The following CLVS1 variants were observed in gnomAD, a reference collection of about 807,000 sequenced individuals.
CLVS1 encodes clavesin 1.
In CLVS1, 10 loss-of-function variants were observed where a neutral mutation model predicts 33.1. The observed-to-expected ratio is 0.30, with a 90% CI of 0.19 to 0.51. The LOEUF is 0.51. Among genes scored for constraint, CLVS1 ranks in the 20% least tolerant of loss-of-function variants. CLVS1 has a pLI of 0.97. For synonymous variants in CLVS1, 163 were observed against 166.1 expected, an observed-to-expected ratio of 0.98 and a Z score of 0.14; for missense variants, 343 against 433.4, an observed-to-expected ratio of 0.79 and a Z score of 1.85.
rs193174164 is a variant in CLVS1 at position 61,220,041 on chromosome 8, G to C, written c.-151-79636G>C. Reference sequence around the variant, plus strand: ...ATGTTTAAGTTCCTTGTAAATTCTGGATATTAGACCTTTGTCAGATGGGTA... The same window carrying C: ...ATGTTTAAGTTCCTTGTAAATTCTGCATATTAGACCTTTGTCAGATGGGTA... On this transcript the variant is annotated intron_variant, in intron 2 of 2. Coordinates refer to the CLVS1 transcript ENST00000522621. Among the ~76,000 whole-genome samples, 452 of 152,188 alleles carry C rather than the reference G, an allele frequency of 3.0e-3. 1 individual carries two copies. The highest frequency in any genetic ancestry group is 4.3e-3 in the Non-Finnish European group (290 of 68,008).
chr8:61,286,984 C>CT (rs1158206817), upstream of CLVS1, among the ~76,000 whole-genome samples: 1 of 151,984 alleles, frequency 6.6e-6, no homozygotes, highest in Admixed American at 6.6e-5. Flanking sequence ...AAAATTAATG[C>CT]TTTTTTATTT....
At chr8:61,329,959 TC>T (rs1166184626) in intron 2 of CLVS1, among the ~76,000 whole-genome samples, 1 of 152,088 alleles carries the variant, frequency 6.6e-6, no homozygotes, top group Admixed American at 6.5e-5. Flanking sequence ...TTTAGAGGAT[TC>T]CCTTTAGCTT....
chr8:60,985,292 C>T, the CLVS1 span, among the ~76,000 whole-genome samples: 87 of 152,338 alleles, frequency 5.7e-4, no homozygotes, highest in African/African-American at 1.6e-3. Context: ...CCAATGTCCA[C>T]GGCACACAGC....
chr8:61,281,290 C>T (rs1189750836), intron 2 of CLVS1, among the ~76,000 whole-genome samples: 1 of 151,978 alleles, frequency 6.6e-6, no homozygotes, highest in Non-Finnish European at 1.5e-5. Context: ...TTAATTATGT[C>T]CCCCAAATTC....
rs764447811 is a variant in CLVS1 at position 61,122,851 on chromosome 8, G to A, written c.-242-8919G>A. On this transcript the variant is annotated intron_variant, in intron 1 of 2. Coordinates refer to the CLVS1 transcript ENST00000522621. The stretch of plus-strand genomic sequence containing the variant: ...CTGAAAAAGGACACTCAACTCTGAC[G>A]GCTTCAAGTACAGAAAATGTGATTT... 6.4e-4 allele frequency among the ~76,000 whole-genome samples: 66 copies of A among 103,638 alleles called. 12 individuals are homozygous for A. The Admixed American group carries it at 7.6e-3, about 12-fold the overall frequency. 68.0% of individuals were successfully genotyped at this position (103,638 alleles called of 152,430 possible).
chr8:61,049,679 T>C, the CLVS1 span, among the ~76,000 whole-genome samples: 1 of 152,198 alleles, frequency 6.6e-6, no homozygotes, highest in African/African-American at 2.4e-5. Context: ...CAAAGACACA[T>C]GATTACACCA....
chr8:61,038,445 A>ATATATATATGACATATATATATATACACG, the CLVS1 span, among the ~76,000 whole-genome samples: 11 of 147,078 alleles, frequency 7.5e-5, no homozygotes, highest in Non-Finnish European at 1.5e-4. Context: ...TTGTATATAT[A>ATATATATATGACATATATATATATACACG]TATATATATA....
chr8:61,359,354 C>CTT (rs111320505), intron 2 of CLVS1, among the ~76,000 whole-genome samples: 1 of 147,828 alleles, frequency 6.8e-6, no homozygotes, highest in Non-Finnish European at 1.5e-5. Context: ...CTAGAAAAGA[C>CTT]TTTTTTTTTT....
the CLVS1 span, among the ~76,000 whole-genome samples, chr8:60,987,039 T>A: frequency 2.6e-5 from 4 of 152,224 alleles, no homozygotes; most frequent in Non-Finnish European, 5.9e-5. Context: ...GTGCTAGGTA[T>A]CAGATTCTGG....
intron 2 of CLVS1, among the ~76,000 whole-genome samples, chr8:61,192,815 A>G (rs1263742084): frequency 6.6e-6 from 1 of 152,208 alleles, no homozygotes; most frequent in Non-Finnish European, 1.5e-5. Context: ...CAAAACGACA[A>G]TGAGATACCA....
In CLVS1 at chr8:61,072,662, A is replaced by G. The variant is rs532961696; in HGVS notation, c.-243+15432A>G. ...CAATGTAAACACAGCTAATGGGTCC[A>G]TTCATTGCTTCTCACTTATAACACC... On this transcript the variant is annotated intron_variant, in intron 1 of 2. Transcript: ENST00000522621. Among the ~76,000 whole-genome samples the G allele has an allele frequency of 5.9e-5, 9 of 152,356 alleles. No homozygotes were observed. The East Asian group carries it at 1.5e-3, about 26-fold the overall frequency.
intron 2 of CLVS1, among the ~76,000 whole-genome samples, chr8:61,247,760 C>A (rs1175234732): frequency 1.3e-5 from 2 of 152,122 alleles, no homozygotes; most frequent in African/African-American, 4.8e-5. Flanking sequence ...TTGATAGTTT[C>A]TTTTGCTGTG....
intron 3 of CLVS1, among the ~76,000 whole-genome samples, chr8:61,429,375 G>A (rs1816024886): frequency 7.3e-6 from 1 of 136,436 alleles, no homozygotes; most frequent in East Asian, 2.4e-4. Flanking sequence ...AGCTGAGATT[G>A]TGCCGCTGCA....
intron 5 of CLVS1, among the ~76,000 whole-genome samples, chr8:61,467,433 A>C (rs879825130): frequency 1.3e-5 from 2 of 152,176 alleles, no homozygotes; most frequent in Non-Finnish European, 2.9e-5. Context: ...TGGCAAAAAT[A>C]AAAGGGGGGA....
intron 2 of CLVS1, among the ~76,000 whole-genome samples, chr8:61,343,773 A>C (rs1383902428): frequency 6.6e-6 from 1 of 152,160 alleles, no homozygotes; most frequent in Non-Finnish European, 1.5e-5. Context: ...CTTAGAGGCA[A>C]AATTTTTCAT....
intron 3 of CLVS1, among the ~76,000 whole-genome samples, chr8:61,423,955 C>A (rs1815780852): frequency 6.6e-6 from 1 of 152,170 alleles, no homozygotes; most frequent in South Asian, 2.1e-4. Context: ...GACATGGAAA[C>A]ATATATCAAC....
At chr8:61,194,439 G>A (rs1807561070) in intron 2 of CLVS1, among the ~76,000 whole-genome samples, 1 of 152,000 alleles carries the variant, frequency 6.6e-6, no homozygotes, top group Non-Finnish European at 1.5e-5. Flanking sequence ...ATATATCAAT[G>A]TCAGACAAAT....
intron 5 of CLVS1, among the ~76,000 whole-genome samples, chr8:61,486,881 T>G (rs1201859735): frequency 6.6e-6 from 1 of 152,210 alleles, no homozygotes; most frequent in Non-Finnish European, 1.5e-5. Flanking sequence ...CTTATCTGAT[T>G]AGTGCAGTCC....
the CLVS1 span, among the ~76,000 whole-genome samples, chr8:60,987,390 G>C: frequency 2.0e-5 from 3 of 152,156 alleles, no homozygotes; most frequent in African/African-American, 7.2e-5. Context: ...TGAGAGCTAC[G>C]GTTACTTGAG....
Sources: allele counts gnomAD v4.1 joint callset (sites outside exome capture counted in the v4.1 genomes callset), GRCh38; gene constraint gnomAD v4.1.1; transcripts MANE v1.5; gene names NCBI Gene and HGNC (gene_info 2026-07-23, HGNC 2026-07-21).